Variants in C20orf203 observed in about 807,000 individuals in gnomAD.
C20orf203 encodes chromosome 20 open reading frame 203.
C20orf203 carries 16 observed loss-of-function variants against 15.9 expected under a neutral mutation model. That is an observed-to-expected ratio of 1.01 (90% CI 0.68 to 1.53). The LOEUF is 1.53. Among genes scored for constraint, C20orf203 ranks in the 40% most tolerant of loss-of-function variants. The pLI is 0.00. For missense variants in C20orf203, 263 were observed against 247.5 expected, an observed-to-expected ratio of 1.06 and a Z score of -0.42; for synonymous variants, 98 against 97.2, an observed-to-expected ratio of 1.01 and a Z score of -0.05.
chr20:32,667,068 G>C lies in C20orf203; in HGVS notation c.-264+6564C>G, dbSNP rs145170830. 1.8e-3 allele frequency among the ~76,000 whole-genome samples: 274 copies of C among 151,984 alleles called. 1 individual carries two copies. Among genetic ancestry groups the C allele is most frequent in the African/African-American group, 6.3e-3 (263 of 41,462 alleles). On this transcript the variant is annotated intron_variant, in intron 1 of 5. Coordinates refer to ENST00000608990, the MANE Select transcript of C20orf203 (RefSeq NM_182584.4). ...ACACTCTGGCTTTGAGATCTGGTGT[G>C]TATTTTATAGACTGGCCACATTTCA... is the stretch of plus-strand genomic sequence containing the variant.
At chr20:32,644,689 C>T (rs1982374773) in intron 4 of C20orf203, among the ~76,000 whole-genome samples, 1 of 152,118 alleles carries the variant, frequency 6.6e-6, no homozygotes, top group African/African-American at 2.4e-5. Context: ...ATCCAGCAAC[C>T]AGATTACATC....
At chr20:32,654,456 T>C (rs1484308909) in intron 1 of C20orf203, among the ~76,000 whole-genome samples, 5 of 152,176 alleles carry the variant, frequency 3.3e-5, no homozygotes, top group African/African-American at 4.8e-5. Context: ...TCCATCAAAA[T>C]TCCAACTTGG....
chr20:32,663,135 A>C (rs1982933816), intron 1 of C20orf203, among the ~76,000 whole-genome samples: 1 of 151,882 alleles, frequency 6.6e-6, no homozygotes, highest in Non-Finnish European at 1.5e-5. Context: ...TTTGTAGTAG[A>C]GACGGGGTTT....
At position 32,671,008 on chromosome 20, in the gene C20orf203, T is replaced by C. The variant is rs1396026691; in HGVS notation, c.-264+2624A>G. 9.9e-5 allele frequency among the ~76,000 whole-genome samples: 9 copies of C among 90,698 alleles called. No homozygotes were observed. In the East Asian group the frequency reaches 1.5e-3, roughly 16 times the overall value. The allele number at this position is 90,698 out of a possible 152,430, so 59.5% of individuals were successfully genotyped here. A position where few individuals can be genotyped will look rare whatever the true frequency, so the allele number is the denominator to read the frequency against. ...CAACTTACACCTGTTAGAACTGCCA[T>C]TATTTAAAAAAAAAAAAAAAACAAC... On this transcript the variant is annotated intron_variant, in intron 1 of 5. Coordinates refer to ENST00000608990, the MANE Select transcript of C20orf203 (RefSeq NM_182584.4).
chr20:32,642,838 T>C (rs918677861), intron 4 of C20orf203, among the ~76,000 whole-genome samples: 1 of 152,146 alleles, frequency 6.6e-6, no homozygotes, highest in Non-Finnish European at 1.5e-5. Context: ...CCTTGCTGTG[T>C]AACCATGGAC....
chr20:32,639,675 G>A (rs1482488980), intron 5 of C20orf203, among the ~76,000 whole-genome samples: 1 of 148,826 alleles, frequency 6.7e-6, no homozygotes, highest in Non-Finnish European at 1.5e-5. Context: ...GAGACAACAA[G>A]AGCTGGTGCC....
chr20:32,633,085 T>C lies in C20orf203; in HGVS notation c.*2485A>G, dbSNP rs1808182339. On this transcript the variant is annotated 3_prime_UTR_variant, in exon 6 of 6. Transcript: ENST00000608990. ...ACTGCCACCATTATTCAATTATCTC[T>C]ACTTGGTCCTGCTCTTGACACCTAG... 1 of 152,194 alleles carries C rather than the reference T, an allele frequency of 6.6e-6. No homozygotes were observed. The highest frequency in any genetic ancestry group is 2.1e-4 in the South Asian group (1 of 4,820). The allele number at this position is 152,194 out of a possible 1,614,324, so 9.4% of individuals were successfully genotyped here. A position where few individuals can be genotyped will look rare whatever the true frequency, so the allele number is the denominator to read the frequency against.
chr20:32,645,709 G>A lies in C20orf203; in HGVS notation c.*1177+3546C>T, dbSNP rs6119922. On this transcript the variant is annotated intron_variant, in intron 4 of 5. Transcript: ENST00000608990. ...TTTTCCACCATACCACCCATCTTCAGGCTGTCTGAGAGGCAGGCTTTCTTT... is the reference window on the plus strand; with the variant it reads ...TTTTCCACCATACCACCCATCTTCAAGCTGTCTGAGAGGCAGGCTTTCTTT... 2.2e-4 allele frequency among the ~76,000 whole-genome samples: 34 copies of A among 152,322 alleles called. No individual in the cohort carries two copies. The East Asian group carries it at 5.2e-3, about 23-fold the overall frequency.
chr20:32,632,635 G>A lies in C20orf203; in HGVS notation c.*2935C>T, dbSNP rs964607039. ...CCACAGCAGTACACGGGACCGCCTC[G>A]TTCTTTTTCATGCCTAGAATTCCAT... On this transcript the variant is annotated 3_prime_UTR_variant, in exon 6 of 6. Coordinates refer to ENST00000608990, the MANE Select transcript of C20orf203 (RefSeq NM_182584.4). 8 of 152,068 alleles carry A rather than the reference G, an allele frequency of 5.3e-5. No individual in the cohort carries two copies. The East Asian group carries it at 9.6e-4, about 18-fold the overall frequency. The allele number at this position is 152,068 out of a possible 1,614,324, so 9.4% of individuals were successfully genotyped here. A position where few individuals can be genotyped will look rare whatever the true frequency, so the allele number is the denominator to read the frequency against.
chr20:32,655,695 A>AG (rs1480810772), intron 1 of C20orf203, among the ~76,000 whole-genome samples: 2 of 152,204 alleles, frequency 1.3e-5, no homozygotes, highest in African/African-American at 4.8e-5. Flanking sequence ...CAGAAGGCTG[A>AG]GGCAGGAGAA....
chr20:32,635,937 C>T (rs901369712), intron 5 of C20orf203, among the ~76,000 whole-genome samples: 3 of 152,170 alleles, frequency 2.0e-5, no homozygotes, highest in Non-Finnish European at 2.9e-5. Flanking sequence ...AATGACGTGT[C>T]GTCCTCCCAT....
chr20:32,636,777 T>C (rs1982149636), intron 5 of C20orf203, among the ~76,000 whole-genome samples: 1 of 152,304 alleles, frequency 6.6e-6, no homozygotes, highest in Non-Finnish European at 1.5e-5. Flanking sequence ...TTCCCTGATA[T>C]TTCCTCTGCC....
At chr20:32,662,672 G>A (rs1345331462) in intron 1 of C20orf203, among the ~76,000 whole-genome samples, 2 of 152,028 alleles carry the variant, frequency 1.3e-5, no homozygotes, top group East Asian at 3.9e-4. Flanking sequence ...GTCCTTCTCA[G>A]TGTGAATGGC....
chr20:32,638,391 C>G (rs1568745100), intron 5 of C20orf203, among the ~76,000 whole-genome samples: 1 of 152,202 alleles, frequency 6.6e-6, no homozygotes, highest in Non-Finnish European at 1.5e-5. Flanking sequence ...GGGTCACAGT[C>G]AGACTCTGGA....
chr20:32,666,799 A>ATT (rs1983042934), intron 1 of C20orf203, among the ~76,000 whole-genome samples: 1 of 67,494 alleles, frequency 1.5e-5, no homozygotes, highest in African/African-American at 5.4e-5. Flanking sequence ...ATTTTAATTT[A>ATT]TATATATATA....
At chr20:32,659,533 G>T (rs1383655095) in intron 1 of C20orf203, among the ~76,000 whole-genome samples, 1 of 152,230 alleles carries the variant, frequency 6.6e-6, no homozygotes, top group Non-Finnish European at 1.5e-5. Context: ...GAGGCTCAGG[G>T]AACCTACATG....
At chr20:32,668,573 C>A (rs552686066) in intron 1 of C20orf203, among the ~76,000 whole-genome samples, 36 of 151,696 alleles carry the variant, frequency 2.4e-4, no homozygotes, top group African/African-American at 8.7e-4. Flanking sequence ...TTGCAGTGAG[C>A]CGAGATTGAG....
rs140901581 is a variant in C20orf203, at chr20:32,666,333, G to A, written c.-264+7299C>T. Among the ~76,000 whole-genome samples the A allele has an allele frequency of 6.6e-3, 1,002 of 151,870 alleles. 11 individuals are homozygous for A. The highest frequency in any genetic ancestry group is 0.023 in the African/African-American group (968 of 41,442). Reference sequence around the variant, plus strand: ...AATACAAAAATTAACCAGGCATAGTGCCACATGCCTATAGTCTCATCTACT... The same window carrying A: ...AATACAAAAATTAACCAGGCATAGTACCACATGCCTATAGTCTCATCTACT... On this transcript the variant is annotated intron_variant, in intron 1 of 5. Transcript: ENST00000608990.
rs963822535 is a variant in C20orf203 at position 32,651,062 on chromosome 20, G to A, written c.91C>T (p.Arg31Cys). The stretch of plus-strand genomic sequence containing the variant: ...TTTGTAAAGGGAAAACTGGCCAGGC[G>A]AGGTGGCCACTGCCTGTGATCCAGC... ...NMLDHRQWPPRLASFPFTKTG... is the reference protein window; with the variant it reads ...NMLDHRQWPPCLASFPFTKTG... Residue 31 changes from arginine (R) to cysteine (C), a missense_variant, in exon 3 of 6, where the codon CGC (arginine) becomes TGC (cysteine). Coordinates refer to ENST00000608990, the MANE Select transcript of C20orf203 (RefSeq NM_182584.4). The A allele has an allele frequency of 2.1e-5, 32 of 1,529,030 alleles. No homozygotes were observed. Among genetic ancestry groups the A allele is most frequent in the South Asian group, 8.6e-5 (7 of 81,420 alleles). The allele number at this position is 1,529,030 out of a possible 1,614,324, so 94.7% of individuals were successfully genotyped here.
Sources: gnomAD v4.1 joint callset for allele counts (sites outside exome capture counted in the v4.1 genomes callset) on GRCh38, gnomAD v4.1.1 for gene constraint, MANE v1.5 for transcripts, NCBI Gene and HGNC (gene_info 2026-07-23, HGNC 2026-07-21) for gene names.